RPRD1B: variants seen among roughly 807,000 people sequenced by gnomAD.
The protein encoded by RPRD1B is regulation of nuclear pre-mRNA domain containing 1B.
Under a neutral mutation model 41.5 loss-of-function variants are expected in RPRD1B, and 11 were observed. The ratio of observed to expected loss-of-function variants is 0.27; its 90% CI spans 0.17 to 0.44. The LOEUF (loss-of-function observed/expected upper bound fraction) is 0.44, where lower values mean the gene tolerates loss of function less well. Ranked by LOEUF, RPRD1B falls within the 20% of genes least tolerant of loss-of-function variation. RPRD1B has a pLI of 1.00. For missense variants in RPRD1B, 248 were observed against 389.9 expected (o/e 0.64, Z 3.06); for synonymous variants, 158 against 155.6 (o/e 1.02, Z -0.12).
intron 6 of RPRD1B, among the ~76,000 whole-genome samples, chr20:38,084,284 C>T (rs543828898): frequency 1.2e-4 from 19 of 152,206 alleles, no homozygotes; most frequent in South Asian, 8.3e-4. Flanking sequence ...TAAACTGCTT[C>T]GTGCACGATA....
chr20:38,089,344 C>T (rs1333549653), intron 6 of RPRD1B, among the ~76,000 whole-genome samples: 4 of 151,696 alleles, frequency 2.6e-5, no homozygotes, highest in African/African-American at 9.7e-5. Context: ...TTTTTTCTTG[C>T]CATATCTAGG....
chr20:38,067,691 C>T (rs1313980537), intron 6 of RPRD1B, among the ~76,000 whole-genome samples: 1 of 152,178 alleles, frequency 6.6e-6, no homozygotes. Context: ...TGTAAAAATC[C>T]TACAGCTTAG....
intron 2 of RPRD1B, among the ~76,000 whole-genome samples, chr20:38,043,179 C>T (rs1038085389): frequency 6.6e-6 from 1 of 152,166 alleles, no homozygotes; most frequent in African/African-American, 2.4e-5. Flanking sequence ...AGTAGGATCT[C>T]ACAGGTAGTG....
At chr20:38,048,682 C>G in intron 3 of RPRD1B, 22 of 763,664 alleles carry the variant, frequency 2.9e-5, no homozygotes, top group Non-Finnish European at 3.3e-5. Flanking sequence ...TATTCATCCT[C>G]TCACACCCTG....
At chr20:38,065,135 A>G (rs2074341441) in intron 5 of RPRD1B, among the ~76,000 whole-genome samples, 1 of 152,188 alleles carries the variant, frequency 6.6e-6, no homozygotes, top group South Asian at 2.1e-4. Flanking sequence ...CCTCTTTCTT[A>G]TCAGACTTTA....
intron 6 of RPRD1B, 41 bp from the exon 7 acceptor site, chr20:38,089,685 C>A: frequency 6.4e-7 from 1 of 1,559,738 alleles, no homozygotes; most frequent in Non-Finnish European, 8.8e-7. Flanking sequence ...GCCCTCGGCA[C>A]GCACAGACTT....
intron 1 of RPRD1B, among the ~76,000 whole-genome samples, chr20:38,038,958 T>C (rs1326493426): frequency 6.6e-6 from 1 of 152,256 alleles, no homozygotes; most frequent in Non-Finnish European, 1.5e-5. Flanking sequence ...TACTTTAGCA[T>C]TGGAGAAAAC....
intron 3 of RPRD1B, among the ~76,000 whole-genome samples, chr20:38,053,659 G>A (rs1278883311): frequency 2.0e-5 from 3 of 152,236 alleles, no homozygotes; most frequent in Non-Finnish European, 2.9e-5. Context: ...ACATGATGGA[G>A]TGAGCACTCC....
chr20:38,043,611 C>G (rs1479184287), intron 2 of RPRD1B, among the ~76,000 whole-genome samples: 1 of 152,082 alleles, frequency 6.6e-6, no homozygotes, highest in Non-Finnish European at 1.5e-5. Context: ...GGTGACATTG[C>G]CTAGGACTCA....
chr20:38,074,607 T>A (rs560569278), intron 6 of RPRD1B, among the ~76,000 whole-genome samples: 65 of 152,348 alleles, frequency 4.3e-4, no homozygotes, highest in African/African-American at 1.5e-3. Flanking sequence ...ACAGTGCCAC[T>A]GAGTTTCAGC....
chr20:38,090,699 C>T lies in RPRD1B; in HGVS notation c.*824C>T. 3.0e-6 allele frequency: 3 copies of T among 985,520 alleles called. No homozygotes were observed. Among genetic ancestry groups the T allele is most frequent in the Non-Finnish European group, 3.6e-6 (3 of 829,976 alleles). 61.0% of individuals were successfully genotyped at this position (985,520 alleles called of 1,614,324 possible). ...GAAGGCAGTTGTTAGGGATGGCAGG[C>T]ATTGGTGGGCTCCAAAAGATGAAGG... is the stretch of plus-strand genomic sequence containing the variant. On this transcript the variant is annotated 3_prime_UTR_variant, in exon 7 of 7. Transcript: ENST00000373433.
Position 38,091,739 on chromosome 20 carries a change from A to G in RPRD1B, c.*1864A>G, listed in dbSNP as rs564588421. On this transcript the variant is annotated 3_prime_UTR_variant, in exon 7 of 7. Transcript: ENST00000373433. ...AGGAAGTGCGATCTGAGCAGCCACA[A>G]TCCAGCCAAAAGAGGATCGTAGATA... is the stretch of plus-strand genomic sequence containing the variant. 29 of 985,788 alleles carry G rather than the reference A, an allele frequency of 2.9e-5. No individual in the cohort carries two copies. In the South Asian group the frequency reaches 1.0e-3, roughly 35 times the overall value. 61.1% of individuals were successfully genotyped at this position (985,788 alleles called of 1,614,324 possible). A position where few individuals can be genotyped will look rare whatever the true frequency, so the allele number is the denominator to read the frequency against.
At position 38,048,367 on chromosome 20, in the gene RPRD1B, A is replaced by G; in HGVS notation, c.301A>G (p.Lys101Glu). The G allele has an allele frequency of 6.2e-7, 1 of 1,613,692 alleles. No homozygotes were observed. Among genetic ancestry groups the G allele is most frequent in the African/African-American group, 1.3e-5 (1 of 75,044 alleles). ...GGGCAGAGAGGCAGATGAAGGCTGT[A>G]AAAAACCTTTAGAAAGATTGCTGAA... Reference protein sequence around the residue: ...HVAREADEGCKKPLERLLNIW... With the variant: ...HVAREADEGCEKPLERLLNIW... The change falls in exon 3 of 7, where the codon AAA (lysine) becomes GAA (glutamate). Residue 101 changes from lysine (K) to glutamate (E), a missense_variant. By Grantham distance (56) the Lys-to-Glu change is moderately conservative (BLOSUM62 1). Transcript: ENST00000373433.
intron 6 of RPRD1B, chr20:38,083,807 A>G (rs1375394196): frequency 1.3e-5 from 2 of 152,016 alleles, no homozygotes; most frequent in African/African-American, 2.4e-5. Flanking sequence ...TCTTCTTTGT[A>G]TCTTACCCAG....
intron 1 of RPRD1B, among the ~76,000 whole-genome samples, chr20:38,039,352 A>G (rs1465216548): frequency 6.6e-6 from 1 of 152,044 alleles, no homozygotes; most frequent in African/African-American, 2.4e-5. Context: ...ATTATTGATT[A>G]TGGTTATTGG....
At chr20:38,070,367 C>CACA (rs1400267060) in intron 6 of RPRD1B, 25 of 985,336 alleles carry the variant, frequency 2.5e-5, no homozygotes, top group Non-Finnish European at 2.9e-5. Context: ...TGGAAGGAAG[C>CACA]ACAAATGGCA....
intron 2 of RPRD1B, among the ~76,000 whole-genome samples, chr20:38,047,935 A>G (rs1166451851): frequency 2.0e-5 from 3 of 152,116 alleles, no homozygotes; most frequent in African/African-American, 7.2e-5. Context: ...GTTGCAGTGA[A>G]TTTATTTCCT....
intron 6 of RPRD1B, among the ~76,000 whole-genome samples, chr20:38,070,941 A>G (rs1379575683): frequency 2.0e-5 from 3 of 152,192 alleles, no homozygotes; most frequent in East Asian, 3.9e-4. Context: ...CATGTTGGGC[A>G]GGCTGGTCTC....
At chr20:38,059,541 T>G (rs2122725042) in intron 5 of RPRD1B, 21 bp downstream of exon 5, 1 of 1,612,386 alleles carries the variant, frequency 6.2e-7, no homozygotes, top group South Asian at 1.1e-5. Context: ...AGAGTTTGGG[T>G]GAAAGGTGAG....
Sources: gnomAD v4.1 joint callset for allele counts (sites outside exome capture counted in the v4.1 genomes callset) on GRCh38, gnomAD v4.1.1 for gene constraint, MANE v1.5 for transcripts, NCBI Gene and HGNC (gene_info 2026-07-23, HGNC 2026-07-21) for gene names.